The following RHBDL3 variants were observed in gnomAD, a reference collection of about 807,000 sequenced individuals.
RHBDL3 encodes rhomboid-related protein 3.
RHBDL3 carries 28 observed loss-of-function variants against 48.2 expected under a neutral mutation model. The observed-to-expected ratio is 0.58, with a 90% CI of 0.43 to 0.80. The LOEUF is 0.80. Ranked by LOEUF, RHBDL3 falls within the 30% of genes least tolerant of loss-of-function variation. RHBDL3 has a pLI of 0.00. For missense variants in RHBDL3, 464 were observed against 542.7 expected, an observed-to-expected ratio of 0.85 and a Z score of 1.44; for synonymous variants, 208 against 232.3, an observed-to-expected ratio of 0.90 and a Z score of 0.95.
intron 2 of RHBDL3, among the ~76,000 whole-genome samples, chr17:32,268,188 C>G (rs2039683555): frequency 1.3e-5 from 2 of 152,212 alleles, no homozygotes; most frequent in South Asian, 4.1e-4. Context: ...AGAAATTGGA[C>G]GTTATATATT....
Position 32,310,089 on chromosome 17 carries a change from C to T in RHBDL3, c.882+4648C>T, listed in dbSNP as rs1049007456. On this transcript the variant is annotated intron_variant, in intron 7 of 8. Transcript: ENST00000269051. ...AAACACTAGAAATATACAGATACAC[C>T]TAATTGAATAATTTATTAATTGCCT... Among the ~76,000 whole-genome samples the T allele has an allele frequency of 1.2e-4, 18 of 152,220 alleles. 1 individual carries two copies. Among genetic ancestry groups the T allele is most frequent in the Admixed American group, 8.5e-4 (13 of 15,288 alleles).
At chr17:32,272,635 C>T (rs79718030) in intron 2 of RHBDL3, among the ~76,000 whole-genome samples, 22 of 152,308 alleles carry the variant, frequency 1.4e-4, no homozygotes, top group Non-Finnish European at 3.2e-4. Flanking sequence ...GCCTGCTTCC[C>T]TACCTTACTC....
At chr17:32,313,758 T>TC (rs1203345531) in intron 7 of RHBDL3, among the ~76,000 whole-genome samples, 1 of 104,726 alleles carries the variant, frequency 9.5e-6, no homozygotes, top group East Asian at 2.2e-4. Flanking sequence ...TCCCTTTTTT[T>TC]TTTTTTTTTT....
chr17:32,300,959 C>T (rs1320800666), intron 6 of RHBDL3, among the ~76,000 whole-genome samples: 1 of 151,966 alleles, frequency 6.6e-6, no homozygotes, highest in Non-Finnish European at 1.5e-5. Flanking sequence ...CGGCTCACTG[C>T]AACCTCCGCC....
intron 4 of RHBDL3, among the ~76,000 whole-genome samples, chr17:32,291,771 C>CTTTT (rs36113178): frequency 7.6e-6 from 1 of 131,274 alleles, no homozygotes; most frequent in Non-Finnish European, 1.6e-5. Context: ...TGAGATATTC[C>CTTTT]TTTTTTTTTT....
chr17:32,292,156 GA>G (rs879446021), intron 4 of RHBDL3, among the ~76,000 whole-genome samples: 11 of 147,370 alleles, frequency 7.5e-5, no homozygotes, highest in African/African-American at 1.7e-4. Context: ...AGGAGTCCCA[GA>G]AAAAAAAAAG....
intron 6 of RHBDL3, among the ~76,000 whole-genome samples, chr17:32,303,440 G>A (rs1263989975): frequency 6.6e-6 from 1 of 152,218 alleles, no homozygotes; most frequent in Non-Finnish European, 1.5e-5. Context: ...AGATCCTGCT[G>A]CCTGTTTGTT....
At chr17:32,301,543 G>A (rs1034118536) in intron 6 of RHBDL3, among the ~76,000 whole-genome samples, 4 of 151,936 alleles carry the variant, frequency 2.6e-5, no homozygotes, top group Non-Finnish European at 5.9e-5. Flanking sequence ...GAAAGTTGGC[G>A]GGCATGGTGG....
chr17:32,266,116 C>G lies in RHBDL3; in HGVS notation c.-74C>G, dbSNP rs1025572036. 13 of 435,506 alleles carry G rather than the reference C, an allele frequency of 3.0e-5. 1 individual carries two copies. The highest frequency in any genetic ancestry group is 4.1e-5 in the Non-Finnish European group (13 of 320,318). 27.0% of individuals were successfully genotyped at this position (435,506 alleles called of 1,614,324 possible). The stretch of plus-strand genomic sequence containing the variant: ...CTGAGCCCCTGGAGCGGCGCGGCCG[C>G]CGCGGCGCAAAGTTAGCCCGGCGCC... On this transcript the variant is annotated 5_prime_UTR_variant, in exon 1 of 9. Coordinates refer to ENST00000269051, the MANE Select transcript of RHBDL3 (RefSeq NM_138328.3).
intron 5 of RHBDL3, among the ~76,000 whole-genome samples, chr17:32,294,729 T>C (rs913994915): frequency 1.3e-5 from 2 of 151,978 alleles, no homozygotes; most frequent in Admixed American, 1.3e-4. Flanking sequence ...GGCTTGAAAA[T>C]TTATTCTAGT....
At chr17:32,314,847 C>T (rs909320956) in intron 7 of RHBDL3, among the ~76,000 whole-genome samples, 15 of 152,224 alleles carry the variant, frequency 9.9e-5, no homozygotes, top group African/African-American at 2.9e-4. Context: ...GGCAAGGCTC[C>T]TCTGTGGGCA....
Position 32,308,276 on chromosome 17 carries a change from G to T in RHBDL3, c.882+2835G>T, listed in dbSNP as rs535031403. On this transcript the variant is annotated intron_variant, in intron 7 of 8. Coordinates refer to ENST00000269051, the MANE Select transcript of RHBDL3 (RefSeq NM_138328.3). ...CAGTCCCCAGAGCATGACACATGGG[G>T]AGCCCTTCTCCAGGAGGTTGTGTGG... is the stretch of plus-strand genomic sequence containing the variant. 2.6e-5 allele frequency among the ~76,000 whole-genome samples: 4 copies of T among 152,242 alleles called. No homozygotes were observed. In the South Asian group the frequency reaches 8.3e-4, roughly 32 times the overall value.
intron 2 of RHBDL3, among the ~76,000 whole-genome samples, chr17:32,275,081 C>A (rs1355833788): frequency 6.6e-6 from 1 of 152,170 alleles, no homozygotes; most frequent in Non-Finnish European, 1.5e-5. Context: ...ACCAGAGAGA[C>A]CCTTTGGTGG....
chr17:32,270,525 A>C (rs914172049), intron 2 of RHBDL3, among the ~76,000 whole-genome samples: 1 of 152,044 alleles, frequency 6.6e-6, no homozygotes, highest in Non-Finnish European at 1.5e-5. Flanking sequence ...CGTCGAACTA[A>C]ATGGCCAGGA....
intron 7 of RHBDL3, among the ~76,000 whole-genome samples, 167 bp from the exon 8 acceptor site, chr17:32,316,065 G>A (rs2040965693): frequency 6.6e-6 from 1 of 152,126 alleles, no homozygotes; most frequent in African/African-American, 2.4e-5. Context: ...TAAACTTGCT[G>A]TTGCCTAAAA....
intron 2 of RHBDL3, among the ~76,000 whole-genome samples, chr17:32,276,544 C>T (rs1259553794): frequency 1.3e-5 from 2 of 152,136 alleles, no homozygotes; most frequent in Non-Finnish European, 2.9e-5. Flanking sequence ...CTCGTTAATT[C>T]TGCTCTGCTC....
At chr17:32,313,084 G>T (rs148398542) in intron 7 of RHBDL3, among the ~76,000 whole-genome samples, 1 of 151,354 alleles carries the variant, frequency 6.6e-6, no homozygotes, top group Admixed American at 6.6e-5. Flanking sequence ...GATTACAGGC[G>T]TGAGCACCTA....
intron 5 of RHBDL3, among the ~76,000 whole-genome samples, chr17:32,296,027 C>A (rs1265349877): frequency 6.6e-6 from 1 of 151,976 alleles, no homozygotes; most frequent in Non-Finnish European, 1.5e-5. Flanking sequence ...GAGATCAAGA[C>A]CATCCTGGCT....
chr17:32,324,474 C>T lies in RHBDL3; in HGVS notation c.*3245C>T, dbSNP rs1017477527. The T allele has an allele frequency of 4.1e-4, 63 of 152,640 alleles. No individual in the cohort carries two copies. The highest frequency in any genetic ancestry group is 1.4e-3 in the African/African-American group (60 of 41,450). 9.5% of individuals were successfully genotyped at this position (152,640 alleles called of 1,614,324 possible). A position where few individuals can be genotyped will look rare whatever the true frequency, so the allele number is the denominator to read the frequency against. ...CGTGCTGGCTGGAAAGCACGGTTCT[C>T]CTCTGCCTTAAAAACAGTGCCCAAC... is the stretch of plus-strand genomic sequence containing the variant. On this transcript the variant is annotated 3_prime_UTR_variant, in exon 9 of 9. Coordinates refer to ENST00000269051, the MANE Select transcript of RHBDL3 (RefSeq NM_138328.3).
Sources: gnomAD v4.1 joint callset for allele counts (sites outside exome capture counted in the v4.1 genomes callset) on GRCh38, gnomAD v4.1.1 for gene constraint, MANE v1.5 for transcripts, NCBI Gene and HGNC (gene_info 2026-07-23, HGNC 2026-07-21) for gene names.